The following RPGRIP1 variants were observed in gnomAD, a reference collection of about 807,000 sequenced individuals.
RPGRIP1 encodes X-linked retinitis pigmentosa GTPase regulator-interacting protein 1.
A neutral mutation model predicts 157.9 loss-of-function variants in RPGRIP1; 128 were observed. The ratio of observed to expected loss-of-function variants is 0.81; its 90% CI spans 0.70 to 0.94. RPGRIP1 has a LOEUF of 0.94. RPGRIP1 is among the 40% of genes least tolerant of loss of function. The pLI is 0.00. For missense variants in RPGRIP1, 1,486 were observed against 1,545.8 expected (o/e 0.96, Z 0.65); for synonymous variants, 554 against 571.6 (o/e 0.97, Z 0.44).
chr14:21,331,537 A>ATC (rs1218257301), intron 20 of RPGRIP1, among the ~76,000 whole-genome samples: 1 of 151,996 alleles, frequency 6.6e-6, no homozygotes, highest in Non-Finnish European at 1.5e-5. Context: ...AAAAAACAAA[A>ATC]AACAGGACAG....
At chr14:21,342,016 C>G (rs918858333) in intron 21 of RPGRIP1, among the ~76,000 whole-genome samples, 5 of 150,990 alleles carry the variant, frequency 3.3e-5, no homozygotes, top group Non-Finnish European at 5.9e-5. Context: ...TGCCACTGCA[C>G]TCCAGCCTGG....
At chr14:21,317,657 C>T in intron 10 of RPGRIP1, 39 bp from the exon 11 acceptor site, 1 of 1,561,634 alleles carries the variant, frequency 6.4e-7, no homozygotes, top group Non-Finnish European at 8.7e-7. Flanking sequence ...TATCACACCC[C>T]TTGGGGTATC....
At chr14:21,334,564 G>A (rs1164157346) in intron 20 of RPGRIP1, 41 bp from the exon 21 acceptor site, 2 of 1,383,058 alleles carry the variant, frequency 1.4e-6, no homozygotes, top group South Asian at 1.2e-5. Flanking sequence ...GGGCTAAAGT[G>A]CTTTGAAACA....
At chr14:21,350,546 C>A (rs1377420163) in intron 24 of RPGRIP1, among the ~76,000 whole-genome samples, 1 of 152,124 alleles carries the variant, frequency 6.6e-6, no homozygotes, top group Non-Finnish European at 1.5e-5. Flanking sequence ...TTACAAAGTT[C>A]AAATGTTAGA....
At chr14:21,330,673 A>T (rs766964132) in intron 20 of RPGRIP1, among the ~76,000 whole-genome samples, 1 of 152,142 alleles carries the variant, frequency 6.6e-6, no homozygotes, top group Non-Finnish European at 1.5e-5. Flanking sequence ...CATCTCAAAA[A>T]AAAGAAAAAA....
At chr14:21,335,379 A>T (rs1368832733) in intron 21 of RPGRIP1, among the ~76,000 whole-genome samples, 1 of 151,888 alleles carries the variant, frequency 6.6e-6, no homozygotes, top group African/African-American at 2.4e-5. Flanking sequence ...GCTTTGGGAG[A>T]TGGAGTCTGG....
intron 2 of RPGRIP1, among the ~76,000 whole-genome samples, chr14:21,293,040 G>A (rs563478716): frequency 1.1e-4 from 17 of 151,026 alleles, no homozygotes; most frequent in African/African-American, 4.1e-4. Flanking sequence ...CAGCTACTTG[G>A]GAGGCTGAGG....
intron 6 of RPGRIP1, among the ~76,000 whole-genome samples, chr14:21,306,163 A>G (rs74656347): frequency 0.2 from 20,777 of 103,784 alleles, 2,094 homozygotes; most frequent in East Asian, 0.39. Flanking sequence ...ACAGAGTCTC[A>G]CTTTGTTGCC....
intron 1 of RPGRIP1, 81 bp from the exon 2 acceptor site, chr14:21,287,858 A>G (rs1178991666): frequency 3.0e-6 from 2 of 667,072 alleles, no homozygotes; most frequent in East Asian, 5.1e-5. Flanking sequence ...GTGCTGAGAA[A>G]TTCCTGCTAC....
rs368092579 is a variant in RPGRIP1 at position 21,317,831 on chromosome 14, T to G, written c.1287T>G (p.Leu429=). Residue 429 remains leucine (L), a synonymous_variant, in exon 11 of 25, where the codon CTT becomes CTG. Transcript: ENST00000400017. ...AELEDKRKVL[L]ELSREKAQNE... ...TGGAGGACAAGAGAAAAGTTTTACTTGAGCTGTCCAGGGAGAAAGGTAGGC... is the reference window on the plus strand; with the variant it reads ...TGGAGGACAAGAGAAAAGTTTTACTGGAGCTGTCCAGGGAGAAAGGTAGGC... 61 of 1,606,734 alleles carry G rather than the reference T, an allele frequency of 3.8e-5. No homozygotes were observed. In the African/African-American group the frequency reaches 7.3e-4, roughly 19 times the overall value.
rs1382255497 is a variant in RPGRIP1, at chr14:21,321,240, A to T, written c.1468-19A>T. ...TGTCATATTTATACTCCCTTTTACC[A>T]ATGCGTTTCCCTCTACAGCCAAGTG... On this transcript the variant is annotated intron_variant, in intron 12 of 24. Transcript: ENST00000400017. 1.2e-6 allele frequency: 2 copies of T among 1,605,698 alleles called. No homozygotes were observed. The highest frequency in any genetic ancestry group is 8.5e-7 in the Non-Finnish European group (1 of 1,177,416).
Position 21,312,339 on chromosome 14 carries a change from T to A in RPGRIP1, c.1078-94T>A, listed in dbSNP as rs975897511. The A allele has an allele frequency of 2.2e-5, 17 of 778,224 alleles. No homozygotes were observed. In the African/African-American group the frequency reaches 3.0e-4, roughly 14 times the overall value. The allele number at this position is 778,224 out of a possible 1,614,324, so 48.2% of individuals were successfully genotyped here. A position where few individuals can be genotyped will look rare whatever the true frequency, so the allele number is the denominator to read the frequency against. ...ACACTGGAGATGGTGATAGAAAGCC[T>A]CTCACCCACGCCCCTCCCTGCCATG... On this transcript the variant is annotated intron_variant, in intron 9 of 24. Transcript: ENST00000400017.
chr14:21,325,865 T>A lies in RPGRIP1; in HGVS notation c.2402T>A (p.Leu801Gln), dbSNP rs1458116430. ...GAGTCTTGGGAACCTCAGAACGAGCTGTGGATTGAAATCACCAAGTGCTGT... is the reference window on the plus strand; with the variant it reads ...GAGTCTTGGGAACCTCAGAACGAGCAGTGGATTGAAATCACCAAGTGCTGT... ...RSESWEPQNE[L>Q]WIEITKCCGL... is the part of the protein sequence containing the mutation. Residue 801 changes from leucine (L) to glutamine (Q), a missense_variant, in exon 17 of 25, where the codon CTG becomes CAG. By Grantham distance (113) the Leu-to-Gln change is moderately radical. Coordinates refer to ENST00000400017, the MANE Select transcript of RPGRIP1 (RefSeq NM_020366.4). The A allele has an allele frequency of 1.2e-6, 2 of 1,613,770 alleles. No homozygotes were observed. The highest frequency in any genetic ancestry group is 1.7e-6 in the Non-Finnish European group (2 of 1,179,678).
chr14:21,281,957 T>C (rs979815895), intron 1 of RPGRIP1, among the ~76,000 whole-genome samples: 32 of 151,878 alleles, frequency 2.1e-4, no homozygotes, highest in Admixed American at 4.6e-4. Flanking sequence ...TAGCTGGGCA[T>C]GGTGGCAGGT....
At chr14:21,329,242 C>A (rs1297596647) in intron 19 of RPGRIP1, among the ~76,000 whole-genome samples, 3 of 151,804 alleles carry the variant, frequency 2.0e-5, no homozygotes, top group Non-Finnish European at 4.4e-5. Context: ...TCGCTTGAAC[C>A]CAGGAGGCGG....
chr14:21,318,544 G>C (rs535712970), intron 11 of RPGRIP1, among the ~76,000 whole-genome samples: 1 of 152,112 alleles, frequency 6.6e-6, no homozygotes, highest in East Asian at 1.9e-4. Context: ...GATGCGATCT[G>C]GGCTCACTTC....
intron 21 of RPGRIP1, 85 bp from the exon 22 acceptor site, chr14:21,342,951 G>A: frequency 1.1e-6 from 1 of 910,284 alleles, no homozygotes; most frequent in Non-Finnish European, 1.7e-6. Context: ...TTTCTAGAGA[G>A]TACCGTAATG....
chr14:21,303,441 A>C lies in RPGRIP1; in HGVS notation c.698A>C (p.Gln233Pro), dbSNP rs1472613406. Residue 233 changes from glutamine to proline, a missense_variant, in exon 6 of 25, where the codon CAA becomes CCA. Physicochemically the swap from Gln to Pro is moderately conservative, Grantham distance 76. Transcript: ENST00000400017. ...CACATCATGGCCAGCAATACCATGCAAGTGGAAGAGCCACCCAAGTCTCCT... is the reference window on the plus strand; with the variant it reads ...CACATCATGGCCAGCAATACCATGCCAGTGGAAGAGCCACCCAAGTCTCCT... Reference protein sequence around the residue: ...SAHIMASNTMQVEEPPKSPEK... With the variant: ...SAHIMASNTMPVEEPPKSPEK... The C allele has an allele frequency of 6.2e-7, 1 of 1,613,892 alleles. No individual in the cohort carries two copies.
In RPGRIP1 at chr14:21,327,646, G is replaced by T; in HGVS notation, c.2734G>T (p.Ala912Ser). The change falls in exon 18 of 25, where the codon GCA becomes TCA. Residue 912 changes from alanine to serine, a missense_variant. By Grantham distance (99) the Ala-to-Ser change is moderately conservative. Coordinates refer to ENST00000400017, the MANE Select transcript of RPGRIP1 (RefSeq NM_020366.4). ...AGGTGATTTTAACCTCACTGACCCT[G>T]CAGAGAAACCCAACGGATCTATTCA... ...IKGDFNLTDPAEKPNGSIQVQ... is the reference protein window; with the variant it reads ...IKGDFNLTDPSEKPNGSIQVQ... 2.5e-6 allele frequency: 4 copies of T among 1,613,924 alleles called. No individual in the cohort carries two copies. Among genetic ancestry groups the T allele is most frequent in the Non-Finnish European group, 3.4e-6 (4 of 1,179,844 alleles).
Sources: gnomAD v4.1 joint callset for allele counts (sites outside exome capture counted in the v4.1 genomes callset) on GRCh38, gnomAD v4.1.1 for gene constraint, MANE v1.5 for transcripts, NCBI Gene and HGNC (gene_info 2026-07-23, HGNC 2026-07-21) for gene names.